DACH2: variants seen among roughly 807,000 people sequenced by gnomAD.
DACH2 encodes dachshund homolog 2.
Under a neutral mutation model 35.8 loss-of-function variants are expected in DACH2, and 17 were observed. That is an observed-to-expected ratio of 0.48 (90% CI 0.33 to 0.71). The LOEUF (loss-of-function observed/expected upper bound fraction) is 0.71, where lower values mean the gene tolerates loss of function less well. DACH2 is among the 30% of genes least tolerant of loss of function. DACH2 has a pLI of 0.02. For missense variants in DACH2, 469 were observed against 472.7 expected, an observed-to-expected ratio of 0.99 and a Z score of 0.07; for synonymous variants, 195 against 177.3, an observed-to-expected ratio of 1.10 and a Z score of -0.79.
intron 1 of DACH2, among the ~76,000 whole-genome samples, chrX:86,215,761 G>T (rs1487799205): frequency 9.0e-6 from 1 of 111,728 alleles, no homozygotes; most frequent in Admixed American, 9.5e-5. Flanking sequence ...TCTGCTATTT[G>T]CAGTAACTAG....
intron 1 of DACH2, among the ~76,000 whole-genome samples, chrX:86,341,812 G>A (rs146654561): frequency 0.014 from 1,553 of 112,072 alleles, 21 homozygotes; most frequent in Non-Finnish European, 0.024. Context: ...TATTCAAGAC[G>A]TCAGTGGAGG....
At chrX:86,356,468 A>G (rs781721182) in intron 1 of DACH2, among the ~76,000 whole-genome samples, 14 of 111,367 alleles carry the variant, frequency 1.3e-4, no homozygotes, top group African/African-American at 4.6e-4. Context: ...GGGTAATGTG[A>G]TGCCTCCAGC....
chrX:86,611,415 G>C (rs966924375), intron 3 of DACH2, among the ~76,000 whole-genome samples: 25 of 110,692 alleles, frequency 2.3e-4, no homozygotes, highest in African/African-American at 7.5e-4. Context: ...TTATCCACCT[G>C]GGCTGTTGTC....
At chrX:86,634,108 A>G (rs2040234420) in intron 3 of DACH2, among the ~76,000 whole-genome samples, 1 of 110,663 alleles carries the variant, frequency 9.0e-6, no homozygotes, top group Non-Finnish European at 1.9e-5. Flanking sequence ...CAGGAGAGAG[A>G]GAGCAAGTGA....
At chrX:86,686,824 T>C (rs1201953927) in intron 4 of DACH2, among the ~76,000 whole-genome samples, 1 of 112,076 alleles carries the variant, frequency 8.9e-6, no homozygotes, top group African/African-American at 3.2e-5. Context: ...TCACTTGTGA[T>C]ACAATTCCTT....
At chrX:86,173,568 A>C (rs1465071646) in intron 1 of DACH2, among the ~76,000 whole-genome samples, 1 of 111,631 alleles carries the variant, frequency 9.0e-6, no homozygotes, top group African/African-American at 3.3e-5. Context: ...AGAAGCCAGG[A>C]GCATACCTGG....
chrX:86,388,735 A>G lies in DACH2; in HGVS notation c.527+11873A>G, dbSNP rs142163332. ...CTTAATATTTAAATCAGAATTATAT[A>G]TACTAGCATACCTTTGTCCATTATG... On this transcript the variant is annotated intron_variant, in intron 2 of 11. Transcript: ENST00000373125. 2.6e-3 allele frequency among the ~76,000 whole-genome samples: 294 copies of G among 111,870 alleles called. 1 individual carries two copies. The highest frequency in any genetic ancestry group is 9.0e-3 in the African/African-American group (278 of 30,830).
intron 1 of DACH2, among the ~76,000 whole-genome samples, chrX:86,245,371 C>T (rs1035597533): frequency 1.8e-5 from 2 of 111,719 alleles, no homozygotes; most frequent in South Asian, 3.8e-4. Context: ...CACATGTGCA[C>T]GAGCATGGAC....
At chrX:86,208,978 G>T (rs1333659811) in intron 1 of DACH2, among the ~76,000 whole-genome samples, 13 of 111,497 alleles carry the variant, frequency 1.2e-4, no homozygotes, top group Non-Finnish European at 2.5e-4. Context: ...CATGTCTACT[G>T]TTCATGATTA....
intron 1 of DACH2, among the ~76,000 whole-genome samples, chrX:86,212,822 C>T (rs1172633398): frequency 9.0e-6 from 1 of 111,250 alleles, no homozygotes; most frequent in Non-Finnish European, 1.9e-5. Context: ...CTCTGAAACT[C>T]ACGAACGTTA....
At chrX:86,718,298 T>C (rs2148462957) in intron 6 of DACH2, among the ~76,000 whole-genome samples, 1 of 111,892 alleles carries the variant, frequency 8.9e-6, no homozygotes, top group African/African-American at 3.2e-5. Context: ...TGTTTATCCA[T>C]GTCCTTTGCC....
intron 1 of DACH2, among the ~76,000 whole-genome samples, chrX:86,312,104 C>T (rs778473997): frequency 4.1e-4 from 46 of 111,950 alleles, no homozygotes; most frequent in Non-Finnish European, 8.1e-4. Flanking sequence ...AGGTAGTCAT[C>T]GTTACCAGCT....
In DACH2 at chrX:86,244,827, G is replaced by T. The variant is rs1198614614; in HGVS notation, c.488+95719G>T. Among the ~76,000 whole-genome samples, 13 of 111,985 alleles carry T rather than the reference G, an allele frequency of 1.2e-4. No homozygotes were observed. The Admixed American group carries it at 1.2e-3, about 11-fold the overall frequency. On this transcript the variant is annotated intron_variant, in intron 1 of 11. Transcript: ENST00000373125. The stretch of plus-strand genomic sequence containing the variant: ...TTATAATTAGAATTTCACAATCTGG[G>T]ATAAAGAGATTGCCACTAAAAATTA...
chrX:86,287,252 A>G (rs1177447077), intron 1 of DACH2, among the ~76,000 whole-genome samples: 2 of 112,082 alleles, frequency 1.8e-5, no homozygotes, highest in African/African-American at 6.5e-5. Flanking sequence ...GTCTGCTGCC[A>G]GATGTAATGG....
At chrX:86,454,898 A>G (rs2037447308) in intron 2 of DACH2, among the ~76,000 whole-genome samples, 1 of 111,723 alleles carries the variant, frequency 9.0e-6, no homozygotes, top group South Asian at 3.8e-4. Flanking sequence ...ATCATTTCTC[A>G]TCTTTGTGGG....
intron 3 of DACH2, among the ~76,000 whole-genome samples, chrX:86,548,290 A>G (rs1197901258): frequency 9.0e-6 from 1 of 111,264 alleles, no homozygotes; most frequent in Non-Finnish European, 1.9e-5. Flanking sequence ...TATTGCTGGG[A>G]GATACAAGGC....
chrX:86,433,874 C>A (rs1441840510), intron 2 of DACH2, among the ~76,000 whole-genome samples: 1 of 111,588 alleles, frequency 9.0e-6, no homozygotes, highest in Non-Finnish European at 1.9e-5. Flanking sequence ...TTATATTTAA[C>A]AGAGAAGGCC....
rs149827205 is a variant in DACH2, at chrX:86,341,046, C to T, written c.489-35778C>T. On this transcript the variant is annotated intron_variant, in intron 1 of 11. Transcript: ENST00000373125. ...GCAGGTGCTGATTTAGAATCTGGAGCAAGTTATCCAGAAGATCCAGCTAAG... is the reference window on the plus strand; with the variant it reads ...GCAGGTGCTGATTTAGAATCTGGAGTAAGTTATCCAGAAGATCCAGCTAAG... Among the ~76,000 whole-genome samples the T allele has an allele frequency of 5.4e-3, 607 of 112,040 alleles. 8 individuals are homozygous for T. The highest frequency in any genetic ancestry group is 0.019 in the African/African-American group (577 of 30,825).
At chrX:86,702,469 G>T (rs2041155337) in intron 5 of DACH2, among the ~76,000 whole-genome samples, 1 of 111,054 alleles carries the variant, frequency 9.0e-6, no homozygotes, top group African/African-American at 3.3e-5. Context: ...CTATGAAAAA[G>T]ATCAGTTAAA....
Sources: allele counts gnomAD v4.1 joint callset (sites outside exome capture counted in the v4.1 genomes callset), GRCh38; gene constraint gnomAD v4.1.1; transcripts MANE v1.5; gene names NCBI Gene and HGNC (gene_info 2026-07-23, HGNC 2026-07-21).